Variants in ARSB observed in about 807,000 individuals in gnomAD.
ARSB encodes N-acetylgalactosamine-4-sulfatase.
In ARSB, 41 loss-of-function variants were observed where a neutral mutation model predicts 50.9. That is an observed-to-expected ratio of 0.81 (90% CI 0.63 to 1.04). The LOEUF (loss-of-function observed/expected upper bound fraction) is 1.04. Among genes scored for constraint, ARSB ranks in the 50% least tolerant of loss-of-function variants. The pLI, the probability that ARSB is intolerant of heterozygous loss-of-function variation, is 0.00. For synonymous variants in ARSB, 269 were observed against 284.8 expected, an observed-to-expected ratio of 0.94 and a Z score of 0.56; for missense variants, 672 against 693.3, an observed-to-expected ratio of 0.97 and a Z score of 0.35.
chr5:78,781,279 C>T (rs1748916245), intron 7 of ARSB, among the ~76,000 whole-genome samples: 1 of 150,068 alleles, frequency 6.7e-6, no homozygotes. Context: ...TTCTTCCTTT[C>T]ACCCCTGCTA....
At chr5:78,859,718 C>CA (rs146734031) in intron 5 of ARSB, among the ~76,000 whole-genome samples, 29 of 146,736 alleles carry the variant, frequency 2.0e-4, no homozygotes, top group African/African-American at 5.2e-4. Context: ...GCTAAACAAA[C>CA]AAAAAAAAAA....
chr5:78,793,312 T>C (rs1408902871), intron 6 of ARSB, among the ~76,000 whole-genome samples: 1 of 152,162 alleles, frequency 6.6e-6, no homozygotes, highest in Non-Finnish European at 1.5e-5. Flanking sequence ...TCATGCTGCC[T>C]GCAGTGGGCA....
At chr5:78,846,997 A>G (rs141854132) in intron 5 of ARSB, among the ~76,000 whole-genome samples, 4 of 152,286 alleles carry the variant, frequency 2.6e-5, no homozygotes, top group African/African-American at 9.6e-5. Flanking sequence ...TTATGTATCT[A>G]TTGAGATGGT....
intron 6 of ARSB, among the ~76,000 whole-genome samples, chr5:78,811,248 T>C (rs115978404): frequency 4.8e-4 from 73 of 152,334 alleles, no homozygotes; most frequent in African/African-American, 1.7e-3. Flanking sequence ...TCTGGAATGT[T>C]TGTTGATTAA....
intron 5 of ARSB, among the ~76,000 whole-genome samples, chr5:78,840,589 C>T (rs1045958550): frequency 6.6e-6 from 1 of 151,990 alleles, no homozygotes; most frequent in Non-Finnish European, 1.5e-5. Flanking sequence ...ATAAAATAAA[C>T]AGCAAAAAAG....
At chr5:78,792,795 G>C (rs1398847330) in intron 6 of ARSB, among the ~76,000 whole-genome samples, 4 of 151,470 alleles carry the variant, frequency 2.6e-5, no homozygotes, top group East Asian at 3.9e-4. Context: ...AATATATGTT[G>C]AACCTATGGC....
intron 6 of ARSB, among the ~76,000 whole-genome samples, chr5:78,829,943 G>A (rs887735696): frequency 2.6e-5 from 4 of 152,182 alleles, no homozygotes; most frequent in African/African-American, 9.7e-5. Flanking sequence ...GGTCCAGACT[G>A]GGAGAGGAAA....
At chr5:78,843,232 C>T (rs1251150694) in intron 5 of ARSB, among the ~76,000 whole-genome samples, 1 of 152,100 alleles carries the variant, frequency 6.6e-6, no homozygotes, top group African/African-American at 2.4e-5. Flanking sequence ...CTGAATGGGG[C>T]CCAATAATCT....
At chr5:78,821,781 C>T (rs1037575715) in intron 6 of ARSB, among the ~76,000 whole-genome samples, 3 of 152,200 alleles carry the variant, frequency 2.0e-5, no homozygotes, top group African/African-American at 7.2e-5. Context: ...CATGAAATAA[C>T]AGAATTCCTC....
At chr5:78,856,130 G>A (rs11743827) in intron 5 of ARSB, among the ~76,000 whole-genome samples, 54,374 of 151,886 alleles carry the variant, frequency 0.36, 11,224 homozygotes, top group Admixed American at 0.48. Context: ...TTTTTTGAAA[G>A]GACTATTTTT....
At chr5:78,808,226 C>T (rs1242845618) in intron 6 of ARSB, among the ~76,000 whole-genome samples, 1 of 151,634 alleles carries the variant, frequency 6.6e-6, no homozygotes, top group Non-Finnish European at 1.5e-5. Context: ...TTTATCTTTA[C>T]CTCCCACCCC....
intron 6 of ARSB, among the ~76,000 whole-genome samples, chr5:78,805,130 T>G (rs1007063552): frequency 6.6e-6 from 1 of 152,236 alleles, no homozygotes; most frequent in South Asian, 2.1e-4. Flanking sequence ...AACGTTGTCA[T>G]GTCATAAATC....
intron 1 of ARSB, among the ~76,000 whole-genome samples, chr5:78,978,557 C>T (rs1277724174): frequency 1.3e-5 from 2 of 151,712 alleles, no homozygotes; most frequent in African/African-American, 2.4e-5. Context: ...CAAACTATCT[C>T]GAAAAAGAAT....
intron 4 of ARSB, among the ~76,000 whole-genome samples, chr5:78,935,665 C>A (rs1343309886): frequency 6.6e-6 from 1 of 152,198 alleles, no homozygotes; most frequent in East Asian, 1.9e-4. Flanking sequence ...AGCCACTTAG[C>A]TATTATTATA....
chr5:78,830,717 G>A (rs1198537666), intron 6 of ARSB, among the ~76,000 whole-genome samples: 1 of 152,202 alleles, frequency 6.6e-6, no homozygotes, highest in Admixed American at 6.5e-5. Flanking sequence ...GCTCCCCAAA[G>A]CGGAGGGGGC....
intron 5 of ARSB, among the ~76,000 whole-genome samples, chr5:78,867,595 G>A (rs975389767): frequency 6.6e-6 from 1 of 151,970 alleles, no homozygotes; most frequent in Non-Finnish European, 1.5e-5. Flanking sequence ...CAACAGACCT[G>A]CAGCTGAGGG....
At chr5:78,800,099 C>T (rs1326914294) in intron 6 of ARSB, among the ~76,000 whole-genome samples, 1 of 152,118 alleles carries the variant, frequency 6.6e-6, no homozygotes, top group Non-Finnish European at 1.5e-5. Flanking sequence ...AGGCAAATCA[C>T]TTGAGGTCAG....
At chr5:78,867,074 C>A (rs1313470873) in intron 5 of ARSB, among the ~76,000 whole-genome samples, 1 of 152,104 alleles carries the variant, frequency 6.6e-6, no homozygotes, top group African/African-American at 2.4e-5. Context: ...CCTGGAAAAT[C>A]GGGTCACTCC....
At chr5:78,815,800 G>C in intron 6 of ARSB, 1 of 1,266,586 alleles carries the variant, frequency 7.9e-7, no homozygotes, top group African/African-American at 1.5e-5. Context: ...AAAGAACTTT[G>C]GTCTATGAAG....
Sources: gnomAD v4.1 joint callset for allele counts (sites outside exome capture counted in the v4.1 genomes callset) on GRCh38, gnomAD v4.1.1 for gene constraint, MANE v1.5 for transcripts, NCBI Gene and HGNC (gene_info 2026-07-23, HGNC 2026-07-21) for gene names.